DMXL2: variants seen among roughly 807,000 people sequenced by gnomAD.
DMXL2 encodes Dmx like 2.
DMXL2 carries 103 observed loss-of-function variants against 331.1 expected under a neutral mutation model. That is an observed-to-expected ratio of 0.31 (90% CI 0.27 to 0.37). The LOEUF (loss-of-function observed/expected upper bound fraction) is 0.37. Ranked by LOEUF, DMXL2 falls within the 10% of genes least tolerant of loss-of-function variation. The pLI, the probability that DMXL2 is intolerant of heterozygous loss-of-function variation, is 1.00. For synonymous variants in DMXL2, 1,281 were observed against 1,252.1 expected (o/e 1.02, Z -0.49); for missense variants, 3,171 against 3,642.9 (o/e 0.87, Z 3.33).
intron 13 of DMXL2, among the ~76,000 whole-genome samples, chr15:51,519,270 C>A (rs1242893774): frequency 6.6e-6 from 1 of 152,002 alleles, no homozygotes; most frequent in Non-Finnish European, 1.5e-5. Context: ...GTGCATGCAA[C>A]CATGCCTGAC....
intron 1 of DMXL2, among the ~76,000 whole-genome samples, chr15:51,614,139 G>A (rs141005591): frequency 6.6e-6 from 1 of 152,286 alleles, no homozygotes; most frequent in Admixed American, 6.5e-5. Context: ...CACCGCAAGT[G>A]CATGTACACA....
At chr15:51,588,655 A>C (rs1297396143) in intron 1 of DMXL2, among the ~76,000 whole-genome samples, 2 of 152,192 alleles carry the variant, frequency 1.3e-5, no homozygotes, top group East Asian at 3.8e-4. Flanking sequence ...ATTTTGAGGG[A>C]AATAGTCGTA....
At chr15:51,466,146 G>T in intron 30 of DMXL2, 38 bp downstream of exon 30, 1 of 1,371,582 alleles carries the variant, frequency 7.3e-7, no homozygotes, top group South Asian at 1.4e-5. Flanking sequence ...AAAAAGAAAA[G>T]CCAAAAAAAA....
intron 34 of DMXL2, chr15:51,459,275 T>C (rs2039922679): frequency 4.7e-6 from 1 of 210,646 alleles, no homozygotes; most frequent in African/African-American, 2.3e-5. Context: ...AAGAGACTGA[T>C]GAGAGGAAGA....
At chr15:51,588,554 T>C (rs932222041) in intron 1 of DMXL2, among the ~76,000 whole-genome samples, 2 of 152,230 alleles carry the variant, frequency 1.3e-5, no homozygotes, top group Non-Finnish European at 2.9e-5. Context: ...TTATGTCATA[T>C]ATACCAACAT....
intron 15 of DMXL2, 106 bp downstream of exon 15, chr15:51,514,336 C>CA: frequency 4.5e-6 from 3 of 673,074 alleles, no homozygotes; most frequent in Non-Finnish European, 7.3e-6. Flanking sequence ...GTGAATCTGT[C>CA]AAAAATTATG....
In DMXL2 at chr15:51,448,098, G is replaced by T. The variant is rs2038834208; in HGVS notation, c.*886C>A. 1 of 152,616 alleles carries T rather than the reference G, an allele frequency of 6.6e-6. No individual in the cohort carries two copies. Among genetic ancestry groups the T allele is most frequent in the Non-Finnish European group, 1.5e-5 (1 of 68,038 alleles). The allele number at this position is 152,616 out of a possible 1,614,324, so 9.5% of individuals were successfully genotyped here. ...ACAATAGGCTGTGGCAATAAATAAT[G>T]TCACCAATCTCATCAACTATTAACT... On this transcript the variant is annotated 3_prime_UTR_variant, in exon 44 of 44. Transcript: ENST00000560891.
At chr15:51,504,791 T>C (rs963945590) in intron 16 of DMXL2, among the ~76,000 whole-genome samples, 1 of 152,174 alleles carries the variant, frequency 6.6e-6, no homozygotes, top group African/African-American at 2.4e-5. Flanking sequence ...TGTGTTTCCT[T>C]TGGCCAGGCA....
intron 13 of DMXL2, among the ~76,000 whole-genome samples, chr15:51,535,285 G>A (rs1275171944): frequency 1.3e-5 from 2 of 152,078 alleles, no homozygotes; most frequent in African/African-American, 4.8e-5. Context: ...GGTGAATCAA[G>A]CTTGAAAAAG....
chr15:51,536,630 A>C lies in DMXL2; in HGVS notation c.1850T>G (p.Ile617Arg), dbSNP rs768200194. ...APTVMMISKHIDGSLNQWAVT... is the reference protein window; with the variant it reads ...APTVMMISKHRDGSLNQWAVT... Reference sequence around the variant, plus strand: ...TGCCCACTGATTTAAAGAACCATCTATGTGTTTAGAGATCATCATTACTGT... The same window carrying C: ...TGCCCACTGATTTAAAGAACCATCTCTGTGTTTAGAGATCATCATTACTGT... Residue 617 changes from isoleucine (I) to arginine (R), a missense_variant, in exon 12 of 44, where the codon ATA (isoleucine) becomes AGA (arginine). Ile to Arg is a moderately conservative substitution (Grantham distance 97, BLOSUM62 -3). Transcript: ENST00000560891. 6.2e-7 allele frequency: 1 copy of C among 1,614,118 alleles called. No individual in the cohort carries two copies. The highest frequency in any genetic ancestry group is 8.5e-7 in the Non-Finnish European group (1 of 1,179,984).
intron 1 of DMXL2, among the ~76,000 whole-genome samples, chr15:51,597,748 T>C (rs191602132): frequency 5.7e-4 from 87 of 152,350 alleles, no homozygotes; most frequent in African/African-American, 1.9e-3. Context: ...CAATTTATAC[T>C]GTCACTAGCA....
chr15:51,617,516 A>G (rs2054362210), intron 1 of DMXL2, among the ~76,000 whole-genome samples: 1 of 152,226 alleles, frequency 6.6e-6, no homozygotes, highest in African/African-American at 2.4e-5. Context: ...AGGTCTGATC[A>G]AATCTTGTAA....
intron 43 of DMXL2, among the ~76,000 whole-genome samples, chr15:51,449,596 T>C (rs1241312714): frequency 6.6e-6 from 1 of 152,220 alleles, no homozygotes; most frequent in Non-Finnish European, 1.5e-5. Context: ...GCAATACGCA[T>C]TCAGCACGCT....
Position 51,565,062 on chromosome 15 carries a change from TAATTTTAAATAC to T in DMXL2, c.364+14_364+25del, listed in dbSNP as rs1406550695. 1.5e-6 allele frequency: 2 copies of T among 1,310,018 alleles called. No homozygotes were observed. Among genetic ancestry groups the T allele is most frequent in the Non-Finnish European group, 2.0e-6 (2 of 982,782 alleles). The allele number at this position is 1,310,018 out of a possible 1,614,324, so 81.1% of individuals were successfully genotyped here. ...ATTTAAAACAAATATTTAATTTAAATAATTTTAAATACAATTGCTAAATACCTTGAGGATCCC... is the reference window on the plus strand; with the variant it reads ...ATTTAAAACAAATATTTAATTTAAATAATTGCTAAATACCTTGAGGATCCC... On this transcript the variant is annotated intron_variant, in intron 4 of 43. Coordinates refer to ENST00000560891, the MANE Select transcript of DMXL2 (RefSeq NM_001378457.1).
chr15:51,534,361 C>G (rs114227772), intron 13 of DMXL2, among the ~76,000 whole-genome samples: 1 of 152,104 alleles, frequency 6.6e-6, no homozygotes, highest in Non-Finnish European at 1.5e-5. Flanking sequence ...TACAAGAAAG[C>G]TGTCTTTTAA....
rs2041973667 is a variant in DMXL2 at position 51,481,075 on chromosome 15, C to T, written c.6031G>A (p.Asp2011Asn). The part of the protein sequence containing the change: ...TDAREKDKQS[D>N]QKASDPNMLL... ...ATGTTAGGGTCTGAGGCCTTCTGAT[C>T]TGATTGTTTATCTTTTTCCCTGGCA... Residue 2011 changes from aspartate to asparagine, a missense_variant, in exon 24 of 44, where the codon GAT becomes AAT. Physicochemically the swap from Asp to Asn is conservative, Grantham distance 23. Coordinates refer to ENST00000560891, the MANE Select transcript of DMXL2 (RefSeq NM_001378457.1). The T allele has an allele frequency of 6.2e-7, 1 of 1,613,782 alleles. No homozygotes were observed. The highest frequency in any genetic ancestry group is 1.3e-5 in the African/African-American group (1 of 74,920).
chr15:51,528,935 C>T (rs1362687097), intron 13 of DMXL2, among the ~76,000 whole-genome samples: 1 of 151,972 alleles, frequency 6.6e-6, no homozygotes, highest in African/African-American at 2.4e-5. Context: ...TGGAATAAAA[C>T]TAGAAATCAA....
At chr15:51,576,208 T>TTAA in intron 1 of DMXL2, 27 bp from the exon 2 acceptor site, 2 of 857,686 alleles carry the variant, frequency 2.3e-6, no homozygotes, top group Admixed American at 4.0e-5. Context: ...AAAAAAGTTT[T>TTAA]ACAATACATA....
chr15:51,532,177 C>T (rs114984253), intron 13 of DMXL2, among the ~76,000 whole-genome samples: 115 of 151,676 alleles, frequency 7.6e-4, no homozygotes, highest in African/African-American at 2.6e-3. Flanking sequence ...TACTTACATA[C>T]GACAGAGTAC....
Sources: gnomAD v4.1 joint callset for allele counts (sites outside exome capture counted in the v4.1 genomes callset) on GRCh38, gnomAD v4.1.1 for gene constraint, MANE v1.5 for transcripts, NCBI Gene and HGNC (gene_info 2026-07-23, HGNC 2026-07-21) for gene names.